SLC12A1: variants seen among roughly 807,000 people sequenced by gnomAD.
The protein encoded by SLC12A1 is Na-K-2Cl cotransporter.
In SLC12A1, 89 loss-of-function variants were observed where a neutral mutation model predicts 130.4. The observed-to-expected ratio is 0.68, with a 90% CI of 0.58 to 0.81. The LOEUF (loss-of-function observed/expected upper bound fraction) is 0.81. Among genes scored for constraint, SLC12A1 ranks in the 40% least tolerant of loss-of-function variants. The pLI is 0.00. For missense variants in SLC12A1, 1,310 were observed against 1,336.4 expected, an observed-to-expected ratio of 0.98 and a Z score of 0.31; for synonymous variants, 499 against 460.0, an observed-to-expected ratio of 1.08 and a Z score of -1.09.
chr15:48,244,361 C>T lies in SLC12A1; in HGVS notation c.1301-392C>T, dbSNP rs144236486. Among the ~76,000 whole-genome samples the T allele has an allele frequency of 2.7e-3, 411 of 152,330 alleles. 2 individuals are homozygous for T. Among genetic ancestry groups the T allele is most frequent in the African/African-American group, 9.7e-3 (402 of 41,572 alleles). On this transcript the variant is annotated intron_variant, in intron 10 of 26. Transcript: ENST00000380993. ...ATAATAGAATTCCATAATGCCACCC[C>T]TTGGCTCTCTTGCAGATGAGGAAAT...
intron 20 of SLC12A1, among the ~76,000 whole-genome samples, chr15:48,284,170 AC>A (rs1339719756): frequency 2.0e-5 from 3 of 152,136 alleles, no homozygotes; most frequent in Non-Finnish European, 2.9e-5. Context: ...GCACCCAGAA[AC>A]CTCAGCTTTT....
At chr15:48,218,974 T>C (rs1199581606) in intron 2 of SLC12A1, among the ~76,000 whole-genome samples, 2 of 152,156 alleles carry the variant, frequency 1.3e-5, no homozygotes, top group East Asian at 1.9e-4. Flanking sequence ...TCAGATACTA[T>C]TGTAATGAGA....
At chr15:48,289,147 C>G (rs1460905373) in intron 23 of SLC12A1, among the ~76,000 whole-genome samples, 1 of 151,092 alleles carries the variant, frequency 6.6e-6, no homozygotes, top group African/African-American at 2.4e-5. Flanking sequence ...ATTAATTTAG[C>G]CATTGAGAGT....
At position 48,299,206 on chromosome 15, in the gene SLC12A1, T is replaced by C; in HGVS notation, c.3027T>C (p.Thr1009=). 1 of 1,609,154 alleles carries C rather than the reference T, an allele frequency of 6.2e-7. No homozygotes were observed. Among genetic ancestry groups the C allele is most frequent in the Non-Finnish European group, 8.5e-7 (1 of 1,178,462 alleles). Residue 1009 remains threonine, a synonymous_variant, in exon 25 of 27, where the codon ACT becomes ACC. Coordinates refer to ENST00000380993, the MANE Select transcript of SLC12A1 (RefSeq NM_000338.3). ...RLHESCKDLT[T]AEKLKRETPW... ...ATGAAAGCTGCAAAGATTTAACAAC[T>C]GCTGAGAAATTAAAAAGAGAAACTC...
chr15:48,294,360 AAAAAAG>A (rs1296257727), intron 24 of SLC12A1, among the ~76,000 whole-genome samples: 9 of 151,842 alleles, frequency 5.9e-5, no homozygotes, highest in Non-Finnish European at 1.0e-4. Context: ...AAAAAAAAAA[AAAAAAG>A]AAGAAGAAGA....
intron 4 of SLC12A1, among the ~76,000 whole-genome samples, chr15:48,222,151 C>T (rs944524920): frequency 7.2e-5 from 11 of 152,172 alleles, no homozygotes; most frequent in African/African-American, 2.7e-4. Context: ...GGAAAATCTG[C>T]ATCTTAATAT....
At chr15:48,230,310 A>G (rs1279455629) in intron 6 of SLC12A1, 83 bp from the exon 7 acceptor site, 1 of 778,084 alleles carries the variant, frequency 1.3e-6, no homozygotes, top group Non-Finnish European at 2.2e-6. Flanking sequence ...ATTGTATAGT[A>G]TCTCTTTTTA....
At position 48,234,921 on chromosome 15, in the gene SLC12A1, G is replaced by A. The variant is rs201827965; in HGVS notation, c.1132G>A (p.Glu378Lys). Residue 378 changes from glutamate to lysine, a missense_variant, in exon 9 of 27, where the codon GAA (glutamate) becomes AAA (lysine). Transcript: ENST00000380993. ...CTTTGGGCCACGCTTCACAAAGGGTGAAGGCTTCTTCTCTGTCTTTGCCAT... is the reference window on the plus strand; with the variant it reads ...CTTTGGGCCACGCTTCACAAAGGGTAAAGGCTTCTTCTCTGTCTTTGCCAT... Reference protein sequence around the residue: ...ENFGPRFTKGEGFFSVFAIFF... With the variant: ...ENFGPRFTKGKGFFSVFAIFF... 6.8e-6 allele frequency: 11 copies of A among 1,613,740 alleles called. No homozygotes were observed. The Admixed American group carries it at 1.0e-4, about 15-fold the overall frequency.
intron 15 of SLC12A1, among the ~76,000 whole-genome samples, 174 bp downstream of exon 15, chr15:48,251,944 C>T (rs1301303565): frequency 6.6e-6 from 1 of 152,134 alleles, no homozygotes; most frequent in African/African-American, 2.4e-5. Context: ...GTGGCTCACA[C>T]CTGTAATCCC....
intron 13 of SLC12A1, among the ~76,000 whole-genome samples, chr15:48,247,811 T>C (rs979307899): frequency 6.6e-6 from 1 of 152,200 alleles, no homozygotes; most frequent in African/African-American, 2.4e-5. Context: ...TGTTAGTGTT[T>C]CTGGAAATGT....
intron 24 of SLC12A1, among the ~76,000 whole-genome samples, chr15:48,292,442 T>C (rs896817164): frequency 3.3e-5 from 5 of 151,980 alleles, no homozygotes; most frequent in Admixed American, 6.6e-5. Flanking sequence ...AATGACAAAA[T>C]AAAAGTAATC....
intron 7 of SLC12A1, 44 bp from the exon 8 acceptor site, chr15:48,232,683 G>A (rs974265822): frequency 1.7e-6 from 2 of 1,181,000 alleles, no homozygotes; most frequent in Non-Finnish European, 2.5e-6. Context: ...GTAAAAAGTT[G>A]TTAAATAAAT....
intron 15 of SLC12A1, among the ~76,000 whole-genome samples, chr15:48,255,471 G>A (rs548333577): frequency 2.0e-5 from 3 of 151,566 alleles, no homozygotes; most frequent in Non-Finnish European, 4.4e-5. Context: ...TTGTGAAGAC[G>A]CTTTGAATTT....
intron 9 of SLC12A1, chr15:48,235,289 C>T (rs1301503782): frequency 2.5e-6 from 1 of 397,552 alleles, no homozygotes; most frequent in Non-Finnish European, 4.6e-6. Flanking sequence ...AAAAAAATAC[C>T]AGAACCACCC....
intron 9 of SLC12A1, among the ~76,000 whole-genome samples, chr15:48,239,642 T>G (rs2041479433): frequency 6.6e-6 from 1 of 152,032 alleles, no homozygotes; most frequent in South Asian, 2.1e-4. Flanking sequence ...ACTAAGTTTT[T>G]GGGGTGTTTG....
At chr15:48,236,092 AACACACAC>A (rs56371843) in intron 9 of SLC12A1, among the ~76,000 whole-genome samples, 90,878 of 145,740 alleles carry the variant, frequency 0.62, 30,548 homozygotes, top group Middle Eastern at 0.77. Context: ...AGCCATTTCT[AACACACAC>A]ACACACACAC....
chr15:48,240,273 A>G (rs1047579947), intron 9 of SLC12A1, among the ~76,000 whole-genome samples: 1 of 151,856 alleles, frequency 6.6e-6, no homozygotes, highest in African/African-American at 2.4e-5. Context: ...AGGCCCCATC[A>G]CAGTCATGAC....
In SLC12A1 at chr15:48,273,054, A is replaced by G. The variant is rs2041914453; in HGVS notation, c.2403-1517A>G. On this transcript the variant is annotated intron_variant, in intron 19 of 26. Transcript: ENST00000380993. The stretch of plus-strand genomic sequence containing the variant: ...TGGGAGACGGAGGTTGCAGTGAGCC[A>G]ATATCACACCACTGTGCTCCAGCCT... Among the ~76,000 whole-genome samples the G allele has an allele frequency of 2.0e-5, 3 of 150,316 alleles. No individual in the cohort carries two copies. In the South Asian group the frequency reaches 6.3e-4, roughly 32 times the overall value.
At chr15:48,232,679 AGTT>A (rs771602316) in intron 7 of SLC12A1, 45 bp from the exon 8 acceptor site, 1 of 1,132,408 alleles carries the variant, frequency 8.8e-7, no homozygotes, top group African/African-American at 1.5e-5. Context: ...TTATGTAAAA[AGTT>A]GTTAAATAAA....
Sources: gnomAD v4.1 joint callset for allele counts (sites outside exome capture counted in the v4.1 genomes callset) on GRCh38, gnomAD v4.1.1 for gene constraint, MANE v1.5 for transcripts, NCBI Gene and HGNC (gene_info 2026-07-23, HGNC 2026-07-21) for gene names.